Variants in RUFY3 observed in about 807,000 individuals in gnomAD.
RUFY3 encodes the protein protein RUFY3.
Under a neutral mutation model 84.0 loss-of-function variants are expected in RUFY3, and 34 were observed. That is an observed-to-expected ratio of 0.40 (90% CI 0.31 to 0.54). RUFY3 has a LOEUF of 0.54. Ranked by LOEUF, RUFY3 falls within the 20% of genes least tolerant of loss-of-function variation. The pLI is 0.39. For synonymous variants in RUFY3, 242 were observed against 252.9 expected (o/e 0.96, Z 0.41); for missense variants, 507 against 736.8 (o/e 0.69, Z 3.61).
In RUFY3 at chr4:70,781,709, G is replaced by C. The variant is rs1465558363; in HGVS notation, c.895-1382G>C. Reference sequence around the variant, plus strand: ...GATCTGAGAGAGAATTGGACTTCCAGGCCTGCCCCCAGAAAGCATGAGCTT... The same window carrying C: ...GATCTGAGAGAGAATTGGACTTCCACGCCTGCCCCCAGAAAGCATGAGCTT... On this transcript the variant is annotated intron_variant, in intron 8 of 17. Transcript: ENST00000381006. 2.6e-5 allele frequency among the ~76,000 whole-genome samples: 4 copies of C among 152,166 alleles called. No homozygotes were observed. In the East Asian group the frequency reaches 7.7e-4, roughly 29 times the overall value.
intron 12 of RUFY3, chr4:70,791,741 G>T: frequency 3.0e-6 from 3 of 992,814 alleles, no homozygotes; most frequent in Non-Finnish European, 3.6e-6. Context: ...TAACTACCAT[G>T]TGAACTTGAA....
chr4:70,777,953 C>T (rs934358646), intron 7 of RUFY3, among the ~76,000 whole-genome samples: 1 of 152,172 alleles, frequency 6.6e-6, no homozygotes, highest in African/African-American at 2.4e-5. Context: ...GCATTAAGGC[C>T]TGGCGCAGTG....
intron 1 of RUFY3, among the ~76,000 whole-genome samples, chr4:70,745,367 CTCCTT>C (rs1298251381): frequency 6.6e-6 from 1 of 152,190 alleles, no homozygotes; most frequent in Admixed American, 6.5e-5. Flanking sequence ...TATATTGCAT[CTCCTT>C]TCCTTATATG....
rs140178840 is a variant in RUFY3, at chr4:70,806,769, A to C, written c.*110A>C. 4 of 1,365,656 alleles carry C rather than the reference A, an allele frequency of 2.9e-6. No individual in the cohort carries two copies. The highest frequency in any genetic ancestry group is 4.0e-6 in the Non-Finnish European group (4 of 998,882). The allele number at this position is 1,365,656 out of a possible 1,614,324, so 84.6% of individuals were successfully genotyped here. ...GTTCTTAGAGTCAACTAAAGAGTTG[A>C]TAGGAATTTACTAGGTCCAGGGAGA... On this transcript the variant is annotated 3_prime_UTR_variant, in exon 18 of 18. Coordinates refer to ENST00000381006, the MANE Select transcript of RUFY3 (RefSeq NM_001037442.4).
At chr4:70,788,701 A>C (rs188722113) in intron 10 of RUFY3, 105 bp from the exon 11 acceptor site, 129 of 1,286,470 alleles carry the variant, frequency 1.0e-4, no homozygotes, top group Non-Finnish European at 1.3e-4. Flanking sequence ...TTTTGCCAGA[A>C]TATTCAGACC....
chr4:70,709,709 G>T (rs558023366), intron 1 of RUFY3, among the ~76,000 whole-genome samples: 1 of 152,232 alleles, frequency 6.6e-6, no homozygotes, highest in South Asian at 2.1e-4. Flanking sequence ...CTTTAGTGTT[G>T]GTTGGAAGAG....
At chr4:70,733,113 AGAGAGAGGGAGG>A (rs1719650591) in intron 1 of RUFY3, among the ~76,000 whole-genome samples, 1 of 85,182 alleles carries the variant, frequency 1.2e-5, no homozygotes, top group Non-Finnish European at 2.2e-5. Context: ...AGAGAGAGAG[AGAGAGAGGGAGG>A]GAGGGAGGGA....
In RUFY3 at chr4:70,757,002, G is replaced by C. The variant is rs551074789; in HGVS notation, c.179-5517G>C. 4.6e-5 allele frequency among the ~76,000 whole-genome samples: 7 copies of C among 152,156 alleles called. No homozygotes were observed. In the South Asian group the frequency reaches 1.5e-3, roughly 32 times the overall value. On this transcript the variant is annotated intron_variant, in intron 1 of 17. Transcript: ENST00000381006. ...ATTTTTTTAATTAGCTGGGCATGGCGACCCATGCCTGTAATCTCATTACTT... is the reference window on the plus strand; with the variant it reads ...ATTTTTTTAATTAGCTGGGCATGGCCACCCATGCCTGTAATCTCATTACTT...
chr4:70,750,275 T>G (rs970648043), intron 1 of RUFY3, among the ~76,000 whole-genome samples: 6 of 152,196 alleles, frequency 3.9e-5, no homozygotes, highest in African/African-American at 1.4e-4. Context: ...TTATTTAATC[T>G]AATACCTCCA....
chr4:70,726,408 G>C (rs1577961118), intron 1 of RUFY3, among the ~76,000 whole-genome samples: 1 of 152,132 alleles, frequency 6.6e-6, no homozygotes, highest in East Asian at 1.9e-4. Flanking sequence ...TATTGCCCAG[G>C]CTGGAGTGCA....
chr4:70,763,754 A>G (rs1050538286), intron 3 of RUFY3, 85 bp downstream of exon 3: 17 of 1,475,532 alleles, frequency 1.2e-5, no homozygotes, highest in Non-Finnish European at 1.6e-5. Context: ...ACAATTATGT[A>G]CGAATAATTT....
intron 10 of RUFY3, among the ~76,000 whole-genome samples, chr4:70,785,461 A>AAG (rs1371047974): frequency 6.6e-6 from 1 of 152,148 alleles, no homozygotes; most frequent in African/African-American, 2.4e-5. Flanking sequence ...GATGTAGAGA[A>AAG]AGAGAACCTT....
chr4:70,720,931 GTGTA>G (rs1293359530), upstream of RUFY3, among the ~76,000 whole-genome samples: 20 of 143,458 alleles, frequency 1.4e-4, no homozygotes, highest in African/African-American at 4.9e-4. Context: ...GTGTGTGTGT[GTGTA>G]TTAAGAAAAT....
At chr4:70,734,552 T>C (rs1443829982) in intron 1 of RUFY3, 1 of 985,340 alleles carries the variant, frequency 1.0e-6, no homozygotes, top group Non-Finnish European at 1.2e-6. Flanking sequence ...TCCCTTCTTG[T>C]TGCTCTGCCC....
At chr4:70,715,939 C>G (rs1033429816) in intron 1 of RUFY3, among the ~76,000 whole-genome samples, 11 of 152,106 alleles carry the variant, frequency 7.2e-5, no homozygotes, top group South Asian at 4.2e-4. Flanking sequence ...TGGTGAAACC[C>G]CATCTGTACT....
chr4:70,703,957 A>G (rs1739968060), upstream of RUFY3: 1 of 152,234 alleles, frequency 6.6e-6, no homozygotes, highest in Non-Finnish European at 1.5e-5. Flanking sequence ...ATAAAGAACC[A>G]TGAGAGTAAC....
intron 1 of RUFY3, among the ~76,000 whole-genome samples, chr4:70,739,854 A>C (rs1019903124): frequency 2.0e-5 from 3 of 150,708 alleles, no homozygotes; most frequent in African/African-American, 7.3e-5. Flanking sequence ...AGCCGGGTGC[A>C]GTGGGGGACG....
chr4:70,801,163 CAAAAA>C (rs561597683), intron 15 of RUFY3, among the ~76,000 whole-genome samples: 1 of 64,270 alleles, frequency 1.6e-5, no homozygotes, highest in South Asian at 4.6e-4. Flanking sequence ...ACTATGGAGA[CAAAAA>C]AAAAAAAAAA....
intron 10 of RUFY3, among the ~76,000 whole-genome samples, chr4:70,787,187 A>AAATAT (rs1553920475): frequency 4.9e-5 from 4 of 81,472 alleles, no homozygotes; most frequent in Non-Finnish European, 8.6e-5. Flanking sequence ...AAAAAAAAAA[A>AAATAT]ATATATATAT....
Sources: allele counts gnomAD v4.1 joint callset (sites outside exome capture counted in the v4.1 genomes callset), GRCh38; gene constraint gnomAD v4.1.1; transcripts MANE v1.5; gene names NCBI Gene and HGNC (gene_info 2026-07-23, HGNC 2026-07-21).